ZDHHC17: variants seen among roughly 807,000 people sequenced by gnomAD.
ZDHHC17 encodes the protein zDHHC palmitoyltransferase 17.
In ZDHHC17, 40 loss-of-function variants were observed where a neutral mutation model predicts 90.3. That is an observed-to-expected ratio of 0.44 (90% CI 0.34 to 0.58). ZDHHC17 has a LOEUF of 0.58. Ranked by LOEUF, ZDHHC17 falls within the 20% of genes least tolerant of loss-of-function variation. The probability of loss-of-function intolerance (pLI) is 0.01; values close to 1 mark genes in which losing one functional copy is unlikely to be tolerated. For synonymous variants in ZDHHC17, 235 were observed against 252.4 expected, an observed-to-expected ratio of 0.93 and a Z score of 0.65; for missense variants, 614 against 780.8, an observed-to-expected ratio of 0.79 and a Z score of 2.55.
chr12:76,822,611 G>A (rs1953178943), intron 8 of ZDHHC17, 80 bp downstream of exon 8: 11 of 1,208,924 alleles, frequency 9.1e-6, no homozygotes, highest in Non-Finnish European at 1.3e-5. Context: ...CTGGAGTGCA[G>A]TGGCGAGATT....
chr12:76,784,460 T>C (rs1233497858), intron 1 of ZDHHC17, among the ~76,000 whole-genome samples: 2 of 152,130 alleles, frequency 1.3e-5, no homozygotes, highest in Non-Finnish European at 2.9e-5. Context: ...TATAAATGGA[T>C]AACTTGTTTT....
chr12:76,792,249 C>A (rs1373798704), intron 1 of ZDHHC17, among the ~76,000 whole-genome samples: 1 of 152,102 alleles, frequency 6.6e-6, no homozygotes, highest in African/African-American at 2.4e-5. Context: ...AAAAACAGTC[C>A]TATCACTCAG....
intron 3 of ZDHHC17, among the ~76,000 whole-genome samples, chr12:76,808,764 T>C (rs1287433357): frequency 6.6e-6 from 1 of 152,100 alleles, no homozygotes; most frequent in Non-Finnish European, 1.5e-5. Flanking sequence ...TGTAGTTCCT[T>C]GAGTACCTTC....
chr12:76,849,223 G>C (rs1411258125), intron 15 of ZDHHC17, among the ~76,000 whole-genome samples, 153 bp from the exon 16 acceptor site: 2 of 146,816 alleles, frequency 1.4e-5, no homozygotes, highest in Non-Finnish European at 3.0e-5. Context: ...GTTTTGGGGT[G>C]GGGGGAGGTG....
Position 76,816,031 on chromosome 12 carries a change from C to T in ZDHHC17, c.771+12C>T. On this transcript the variant is annotated intron_variant, in intron 7 of 16. Coordinates refer to ENST00000426126, the MANE Select transcript of ZDHHC17 (RefSeq NM_015336.4). ...CCCAGAATATCAAGGTAAAAATATT[C>T]TATATTGATAATACTGTATGAAATG... 1.3e-6 allele frequency: 2 copies of T among 1,505,146 alleles called. No homozygotes were observed. The highest frequency in any genetic ancestry group is 1.8e-6 in the Non-Finnish European group (2 of 1,127,950). The allele number at this position is 1,505,146 out of a possible 1,614,324, so 93.2% of individuals were successfully genotyped here. A position where few individuals can be genotyped will look rare whatever the true frequency, so the allele number is the denominator to read the frequency against.
At chr12:76,803,696 A>G (rs1221790835) in intron 2 of ZDHHC17, among the ~76,000 whole-genome samples, 1 of 152,198 alleles carries the variant, frequency 6.6e-6, no homozygotes, top group African/African-American at 2.4e-5. Context: ...GATTTGACAA[A>G]TTCTTTTAAT....
intron 7 of ZDHHC17, among the ~76,000 whole-genome samples, chr12:76,818,153 T>C (rs1953112096): frequency 6.6e-6 from 1 of 152,214 alleles, no homozygotes; most frequent in African/African-American, 2.4e-5. Context: ...AAGGAATTAT[T>C]GTATTTGCTC....
At chr12:76,769,906 T>A (rs1322828429) in intron 1 of ZDHHC17, among the ~76,000 whole-genome samples, 2 of 152,222 alleles carry the variant, frequency 1.3e-5, no homozygotes, top group Non-Finnish European at 2.9e-5. Context: ...TGTTTTATTT[T>A]GTTCATTATT....
intron 5 of ZDHHC17, among the ~76,000 whole-genome samples, chr12:76,812,577 T>C (rs1953038002): frequency 6.6e-6 from 1 of 152,176 alleles, no homozygotes; most frequent in Non-Finnish European, 1.5e-5. Flanking sequence ...TTCTTAATGT[T>C]AACTATGTTC....
intron 1 of ZDHHC17, among the ~76,000 whole-genome samples, chr12:76,784,793 T>C (rs1234271595): frequency 6.6e-6 from 1 of 152,204 alleles, no homozygotes; most frequent in African/African-American, 2.4e-5. Flanking sequence ...ATGTCTTTAC[T>C]AGTACGATCC....
At chr12:76,823,139 C>T (rs1031157468) in intron 8 of ZDHHC17, among the ~76,000 whole-genome samples, 8 of 151,974 alleles carry the variant, frequency 5.3e-5, no homozygotes, top group Admixed American at 2.6e-4. Context: ...ATTCAACTGG[C>T]CTTTGTTAAG....
intron 3 of ZDHHC17, among the ~76,000 whole-genome samples, chr12:76,806,843 A>G (rs913396640): frequency 2.0e-5 from 3 of 152,234 alleles, no homozygotes; most frequent in Non-Finnish European, 4.4e-5. Context: ...TAAATGAACT[A>G]CTTGCTATGT....
chr12:76,831,688 C>G (rs1222890918), intron 10 of ZDHHC17, among the ~76,000 whole-genome samples: 1 of 152,064 alleles, frequency 6.6e-6, no homozygotes, highest in Admixed American at 6.5e-5. Context: ...TGTGTCACAC[C>G]CAGACTGGAG....
intron 1 of ZDHHC17, among the ~76,000 whole-genome samples, chr12:76,795,421 A>G (rs996772554): frequency 2.6e-5 from 4 of 152,252 alleles, no homozygotes; most frequent in African/African-American, 7.2e-5. Flanking sequence ...CTCTCAATAC[A>G]TGTTTTGTTG....
chr12:76,812,747 G>C (rs1376593801), intron 5 of ZDHHC17, among the ~76,000 whole-genome samples: 2 of 151,866 alleles, frequency 1.3e-5, no homozygotes, highest in Non-Finnish European at 2.9e-5. Flanking sequence ...CATTGTCAGG[G>C]TATATAACAT....
chr12:76,813,025 G>A (rs1354744992), intron 5 of ZDHHC17, among the ~76,000 whole-genome samples: 1 of 151,952 alleles, frequency 6.6e-6, no homozygotes, highest in Non-Finnish European at 1.5e-5. Flanking sequence ...AGAGAGAAAA[G>A]GTTGAATTTC....
Position 76,851,335 on chromosome 12 carries a change from G to A in ZDHHC17, c.*350G>A, listed in dbSNP as rs1953565397. On this transcript the variant is annotated 3_prime_UTR_variant, in exon 17 of 17. Transcript: ENST00000426126. Reference sequence around the variant, plus strand: ...ATGGTGTACTGATCAGAAATGTTCAGTTTTAACTAAAACTAAATTTATGTT... The same window carrying A: ...ATGGTGTACTGATCAGAAATGTTCAATTTTAACTAAAACTAAATTTATGTT... 4.4e-6 allele frequency: 1 copy of A among 225,888 alleles called. No homozygotes were observed. Among genetic ancestry groups the A allele is most frequent in the African/African-American group, 2.4e-5 (1 of 42,214 alleles). The allele number at this position is 225,888 out of a possible 1,614,324, so 14.0% of individuals were successfully genotyped here. A position where few individuals can be genotyped will look rare whatever the true frequency, so the allele number is the denominator to read the frequency against.
intron 8 of ZDHHC17, 42 bp downstream of exon 8, chr12:76,822,573 A>C: frequency 8.6e-7 from 1 of 1,168,036 alleles, no homozygotes; most frequent in South Asian, 1.4e-5. Context: ...TTTTTTTTTG[A>C]GACGGAGTTT....
chr12:76,800,505 A>T (rs373975233), intron 2 of ZDHHC17, among the ~76,000 whole-genome samples: 3 of 152,180 alleles, frequency 2.0e-5, no homozygotes, highest in Admixed American at 1.3e-4. Context: ...TTTTGCTTCA[A>T]ATATTTTGAT....
Sources: gnomAD v4.1 joint callset for allele counts (sites outside exome capture counted in the v4.1 genomes callset) on GRCh38, gnomAD v4.1.1 for gene constraint, MANE v1.5 for transcripts, NCBI Gene and HGNC (gene_info 2026-07-23, HGNC 2026-07-21) for gene names.